Variants in COL23A1 observed in about 807,000 individuals in gnomAD.
COL23A1 encodes collagen alpha-1(XXIII) chain.
Under a neutral mutation model 99.3 loss-of-function variants are expected in COL23A1, and 97 were observed. The observed-to-expected ratio is 0.98, with a 90% CI of 0.83 to 1.16. The LOEUF (loss-of-function observed/expected upper bound fraction) is 1.16. Among genes scored for constraint, COL23A1 ranks in the 50% most tolerant of loss-of-function variants. The pLI is 0.00. For synonymous variants in COL23A1, 320 were observed against 308.2 expected (o/e 1.04, Z -0.40); for missense variants, 762 against 757.4 (o/e 1.01, Z -0.07).
Position 178,397,137 on chromosome 5 carries a change from T to C in COL23A1, c.362-90218A>G, listed in dbSNP as rs78243704. On this transcript the variant is annotated intron_variant, in intron 2 of 28. Coordinates refer to ENST00000390654, the MANE Select transcript of COL23A1 (RefSeq NM_173465.4). ...GCTGTGCTGGGCCTCAGTGGCAGCA[T>C]GGCTGGGCTGGCAGGACCTACTCAG... Among the ~76,000 whole-genome samples, 1,592 of 152,306 alleles carry C rather than the reference T, an allele frequency of 0.01. 89 individuals are homozygous for C. In the East Asian group the frequency reaches 0.13, roughly 12 times the overall value.
chr5:178,528,885 T>C (rs1760479720), intron 2 of COL23A1, among the ~76,000 whole-genome samples: 1 of 152,240 alleles, frequency 6.6e-6, no homozygotes, highest in Non-Finnish European at 1.5e-5. Flanking sequence ...TTGTGTCCAC[T>C]GGGATTTCTG....
intron 5 of COL23A1, among the ~76,000 whole-genome samples, chr5:178,286,636 C>T (rs73804768): frequency 0.02 from 3,080 of 152,304 alleles, 102 homozygotes; most frequent in African/African-American, 0.069. Flanking sequence ...CTACTCCATC[C>T]GCACCCAGCC....
intron 27 of COL23A1, among the ~76,000 whole-genome samples, chr5:178,240,574 G>A (rs1477134580): frequency 6.6e-6 from 1 of 152,238 alleles, no homozygotes; most frequent in Non-Finnish European, 1.5e-5. Flanking sequence ...CTGATTTGGA[G>A]GGGAGTCCTG....
chr5:178,325,910 G>A (rs1325669178), intron 2 of COL23A1, among the ~76,000 whole-genome samples: 1 of 152,220 alleles, frequency 6.6e-6, no homozygotes, highest in African/African-American at 2.4e-5. Context: ...TGCCCAGTCT[G>A]TCCACTGCGG....
At chr5:178,540,480 C>T (rs1761225931) in intron 2 of COL23A1, among the ~76,000 whole-genome samples, 1 of 152,148 alleles carries the variant, frequency 6.6e-6, no homozygotes, top group Non-Finnish European at 1.5e-5. Flanking sequence ...AAGACCTCTA[C>T]TCTCAAAACT....
intron 2 of COL23A1, among the ~76,000 whole-genome samples, chr5:178,501,496 G>A (rs766969698): frequency 2.3e-4 from 35 of 151,746 alleles, no homozygotes; most frequent in African/African-American, 7.7e-4. Flanking sequence ...CAGAAGAATC[G>A]CTTAGAGCCC....
At chr5:178,517,557 G>GT (rs35787274) in intron 2 of COL23A1, among the ~76,000 whole-genome samples, 47,202 of 83,786 alleles carry the variant, frequency 0.56, 14,139 homozygotes, top group Non-Finnish European at 0.61. Flanking sequence ...GGTGACAGCA[G>GT]TTTTTTTTTT....
At chr5:178,440,630 T>TTTC (rs1313046655) in intron 2 of COL23A1, among the ~76,000 whole-genome samples, 3 of 152,000 alleles carry the variant, frequency 2.0e-5, no homozygotes, top group African/African-American at 7.2e-5. Context: ...TTTTTTTTTT[T>TTTC]CTGAGATGGA....
intron 2 of COL23A1, among the ~76,000 whole-genome samples, chr5:178,431,777 TTG>T (rs1766279809): frequency 6.6e-6 from 1 of 152,266 alleles, no homozygotes; most frequent in Non-Finnish European, 1.5e-5. Context: ...TAGATCTGTG[TTG>T]TGTTAAGCCA....
In COL23A1 at chr5:178,365,470, T is replaced by G. The variant is rs1204949758; in HGVS notation, c.362-58551A>C. On this transcript the variant is annotated intron_variant, in intron 2 of 28. Transcript: ENST00000390654. The surrounding 1 kb of genome is among the most constrained non-coding windows in gnomAD (Gnocchi z 5.2). ...CCCGCCACCCAATCCCTCTTTCTTT[T>G]GACGGGTACCCGCCACCCAATCCCT... 1.3e-5 allele frequency among the ~76,000 whole-genome samples: 2 copies of G among 152,002 alleles called. No individual in the cohort carries two copies. Among genetic ancestry groups the G allele is most frequent in the Non-Finnish European group, 1.5e-5 (1 of 67,990 alleles).
chr5:178,341,858 C>T (rs946696164), intron 2 of COL23A1, among the ~76,000 whole-genome samples: 3 of 152,178 alleles, frequency 2.0e-5, no homozygotes, highest in African/African-American at 7.2e-5. Context: ...TTCCTCCAGA[C>T]AGCACCTGGC....
chr5:178,510,781 CTT>C (rs1759162942), intron 2 of COL23A1, among the ~76,000 whole-genome samples: 1 of 152,102 alleles, frequency 6.6e-6, no homozygotes, highest in African/African-American at 2.4e-5. Flanking sequence ...ACTCCTGAAA[CTT>C]TGTAACTTAA....
intron 2 of COL23A1, among the ~76,000 whole-genome samples, chr5:178,352,664 C>CT: frequency 6.6e-6 from 1 of 152,358 alleles, no homozygotes; most frequent in African/African-American, 2.4e-5. Flanking sequence ...TTCTCGTGGC[C>CT]TAATAGACAA....
At chr5:178,465,827 G>A (rs188587303) in intron 2 of COL23A1, among the ~76,000 whole-genome samples, 220 of 152,346 alleles carry the variant, frequency 1.4e-3, no homozygotes, top group African/African-American at 5.0e-3. Context: ...AGGGACTGGC[G>A]TGCAGGGGCA....
At chr5:178,523,173 TATATACAC>T (rs1451915129) in intron 2 of COL23A1, among the ~76,000 whole-genome samples, 16 of 95,524 alleles carry the variant, frequency 1.7e-4, no homozygotes, top group East Asian at 1.0e-3. Context: ...CATATATATA[TATATACAC>T]ATATATATAT....
rs2127610228 is a variant in COL23A1, at chr5:178,310,481, C to T, written c.362-3562G>A. ...CCTCGCCAGTCCTCTGAAGAAGGTGCTAGTGTTCCCTGCACAGATGAGAAC... is the reference window on the plus strand; with the variant it reads ...CCTCGCCAGTCCTCTGAAGAAGGTGTTAGTGTTCCCTGCACAGATGAGAAC... On this transcript the variant is annotated intron_variant, in intron 2 of 28. Transcript: ENST00000390654. The surrounding 1 kb of genome is among the most constrained non-coding windows in gnomAD (Gnocchi z 4.3). Among the ~76,000 whole-genome samples, 1 of 152,330 alleles carries T rather than the reference C, an allele frequency of 6.6e-6. No individual in the cohort carries two copies. Among genetic ancestry groups the T allele is most frequent in the South Asian group, 2.1e-4 (1 of 4,826 alleles).
chr5:178,538,060 A>C (rs993855542), intron 2 of COL23A1, among the ~76,000 whole-genome samples: 9 of 152,232 alleles, frequency 5.9e-5, no homozygotes, highest in Admixed American at 2.6e-4. Context: ...TCTGAGGCTG[A>C]ATCGTATGCT....
intron 2 of COL23A1, among the ~76,000 whole-genome samples, chr5:178,353,278 C>A (rs1354657953): frequency 6.6e-6 from 1 of 151,972 alleles, no homozygotes; most frequent in African/African-American, 2.4e-5. Context: ...CTATAAATTT[C>A]TTTTATGTCT....
chr5:178,257,078 A>T (rs1561796220), intron 13 of COL23A1, 150 bp from the exon 14 acceptor site: 2 of 687,050 alleles, frequency 2.9e-6, no homozygotes, highest in African/African-American at 3.6e-5. Flanking sequence ...GGGCGGATGG[A>T]CCTCAGGCCT....
Sources: allele counts gnomAD v4.1 joint callset (sites outside exome capture counted in the v4.1 genomes callset), GRCh38; gene constraint gnomAD v4.1.1; non-coding constraint Gnocchi (gnomAD v3.1); transcripts MANE v1.5; gene names NCBI Gene and HGNC (gene_info 2026-07-23, HGNC 2026-07-21).